ATP11C: variants seen among roughly 807,000 people sequenced by gnomAD.
The protein encoded by ATP11C is ATPase phospholipid transporting 11C (ATP11C blood group).
In ATP11C, 36 loss-of-function variants were observed where a neutral mutation model predicts 97.4. That is an observed-to-expected ratio of 0.37 (90% CI 0.28 to 0.49). ATP11C has a LOEUF of 0.49. ATP11C is among the 20% of genes least tolerant of loss of function. ATP11C has a pLI of 0.98. For missense variants in ATP11C, 730 were observed against 824.6 expected, an observed-to-expected ratio of 0.89 and a Z score of 1.40; for synonymous variants, 275 against 290.9, an observed-to-expected ratio of 0.95 and a Z score of 0.56.
At chrX:139,769,911 C>G (rs2082220894) in intron 19 of ATP11C, among the ~76,000 whole-genome samples, 1 of 111,895 alleles carries the variant, frequency 8.9e-6, no homozygotes, top group African/African-American at 3.3e-5. Flanking sequence ...ATAGACGAAG[C>G]TTTGAGTAGT....
At chrX:139,841,918 T>C (rs2083838348) in intron 1 of ATP11C, among the ~76,000 whole-genome samples, 1 of 112,631 alleles carries the variant, frequency 8.9e-6, no homozygotes, top group South Asian at 3.7e-4. Flanking sequence ...GCTATTTTCC[T>C]GGGACTAGGA....
chrX:139,733,727 C>T (rs1269328382), intron 28 of ATP11C, among the ~76,000 whole-genome samples: 1 of 111,670 alleles, frequency 9.0e-6, no homozygotes, highest in Non-Finnish European at 1.9e-5. Flanking sequence ...TCCCCACCCC[C>T]GTGTTTAATG....
intron 26 of ATP11C, among the ~76,000 whole-genome samples, chrX:139,741,882 T>C (rs2081563091): frequency 9.0e-6 from 1 of 111,594 alleles, no homozygotes; most frequent in African/African-American, 3.3e-5. Context: ...ATAGAGGAGA[T>C]GGTGTCTCAG....
intron 1 of ATP11C, among the ~76,000 whole-genome samples, chrX:139,897,923 C>T (rs757065168): frequency 9.5e-6 from 1 of 105,515 alleles, no homozygotes; most frequent in South Asian, 4.4e-4. Flanking sequence ...CAGAGCAAAA[C>T]CCTGTGTCAA....
Position 139,816,998 on chromosome X carries a change from T to C in ATP11C, c.238-55A>G, listed in dbSNP as rs933877080. The C allele has an allele frequency of 2.6e-5, 20 of 777,117 alleles. No individual in the cohort carries two copies. In the African/African-American group the frequency reaches 2.7e-4, roughly 11 times the overall value. The allele number at this position is 777,117 out of a possible 1,213,427, so 64.0% of individuals were successfully genotyped here. ...AATGAAAATTTGTCATTAACTCATA[T>C]GCAGCACTTACATGCTGCAAACATT... is the stretch of plus-strand genomic sequence containing the variant. On this transcript the variant is annotated intron_variant, in intron 3 of 29. Coordinates refer to ENST00000682941, the MANE Select transcript of ATP11C (RefSeq NM_001353812.2).
At chrX:139,890,263 G>A (rs1457468728) in intron 1 of ATP11C, among the ~76,000 whole-genome samples, 2 of 111,262 alleles carry the variant, frequency 1.8e-5, no homozygotes, top group Non-Finnish European at 3.8e-5. Context: ...TTGTGTGGTG[G>A]TTCACACCTG....
intron 1 of ATP11C, chrX:139,832,393 G>C: frequency 1.2e-6 from 1 of 859,248 alleles, no homozygotes; most frequent in South Asian, 4.1e-5. Flanking sequence ...TTCCTTAAGA[G>C]CTCAAAGCAG....
At position 139,932,373 on chromosome X, in the gene ATP11C, C is replaced by A; in HGVS notation, c.-331G>T. The A allele has an allele frequency of 9.1e-6, 1 of 109,704 alleles. No individual in the cohort carries two copies. The highest frequency in any genetic ancestry group is 1.9e-5 in the Non-Finnish European group (1 of 52,064). 9.0% of individuals were successfully genotyped at this position (109,704 alleles called of 1,213,427 possible). On this transcript the variant is annotated 5_prime_UTR_variant, in exon 1 of 30. Transcript: ENST00000682941. ...CCACTGAGAAGGCGAGCCCGCCGCG[C>A]GGGGGAAGGATGGCGGAGGAGCGCG...
At position 139,827,616 on chromosome X, in the gene ATP11C, T is replaced by C. The variant is rs573956823; in HGVS notation, c.28-793A>G. 7.2e-5 allele frequency among the ~76,000 whole-genome samples: 8 copies of C among 111,749 alleles called. No homozygotes were observed. The South Asian group carries it at 1.5e-3, about 21-fold the overall frequency. ...AATTTGGGACAGTCTCCTTGTATGG[T>C]ACTATATTACCATATCTGAGACTAC... On this transcript the variant is annotated intron_variant, in intron 1 of 29. Coordinates refer to ENST00000682941, the MANE Select transcript of ATP11C (RefSeq NM_001353812.2).
chrX:139,808,672 T>C (rs2083099581), intron 5 of ATP11C, among the ~76,000 whole-genome samples: 1 of 112,089 alleles, frequency 8.9e-6, no homozygotes, highest in Non-Finnish European at 1.9e-5. Context: ...CATAGGAACA[T>C]TCACTTCCAG....
chrX:139,838,507 T>G (rs1285498969), intron 1 of ATP11C, among the ~76,000 whole-genome samples: 2 of 111,916 alleles, frequency 1.8e-5, no homozygotes, highest in East Asian at 5.6e-4. Context: ...TCAGCTCCTA[T>G]GAGAAACAGT....
rs2082617237 is a variant in ATP11C at position 139,788,240 on chromosome X, T to C, written c.1472A>G (p.Tyr491Cys). 6.6e-6 allele frequency: 8 copies of C among 1,208,999 alleles called. No homozygotes were observed. The highest frequency in any genetic ancestry group is 5.3e-5 in the South Asian group (3 of 56,711). The change falls in exon 14 of 30, where the codon TAT becomes TGT. Residue 491 changes from tyrosine (Y) to cysteine (C), a missense_variant. By Grantham distance (194) the Tyr-to-Cys change is radical. Transcript: ENST00000682941. ...DGATESAELTYISSSPDEIAL... is the reference protein window; with the variant it reads ...DGATESAELTCISSSPDEIAL... The stretch of plus-strand genomic sequence containing the variant: ...TATTTCATCTGGTGAAGAGGAGATA[T>C]AGGTTAATTCAGCTGATTCTGTAGC...
At chrX:139,770,059 T>C (rs2082223772) in intron 19 of ATP11C, among the ~76,000 whole-genome samples, 1 of 112,386 alleles carries the variant, frequency 8.9e-6, no homozygotes. Flanking sequence ...TGATGTGTTC[T>C]CTTTCTTTGC....
At chrX:139,863,343 G>A (rs2084232564) in intron 1 of ATP11C, among the ~76,000 whole-genome samples, 1 of 111,221 alleles carries the variant, frequency 9.0e-6, no homozygotes, top group Admixed American at 9.5e-5. Flanking sequence ...GACCAGCCTG[G>A]CCAACATGGC....
chrX:139,849,003 C>T (rs1292138092), intron 1 of ATP11C, among the ~76,000 whole-genome samples: 1 of 111,987 alleles, frequency 8.9e-6, no homozygotes, highest in Non-Finnish European at 1.9e-5. Flanking sequence ...TGACTCTCCA[C>T]TTACCCTAAA....
chrX:139,865,793 A>G (rs965656132), intron 1 of ATP11C, among the ~76,000 whole-genome samples: 1 of 111,288 alleles, frequency 9.0e-6, no homozygotes, highest in Non-Finnish European at 1.9e-5. Context: ...AAATAAGACA[A>G]AAACAATAGT....
intron 1 of ATP11C, among the ~76,000 whole-genome samples, chrX:139,853,999 A>C (rs1476408790): frequency 8.9e-6 from 1 of 111,809 alleles, no homozygotes; most frequent in Non-Finnish European, 1.9e-5. Flanking sequence ...TTACCACACA[A>C]AGGTCTGACC....
upstream of ATP11C, among the ~76,000 whole-genome samples, chrX:139,936,531 G>C (rs1380046072): frequency 9.0e-6 from 1 of 111,671 alleles, no homozygotes; most frequent in Admixed American, 9.6e-5. Flanking sequence ...AAGCCCCACA[G>C]GTAGGAATTC....
chrX:139,826,871 C>T, intron 1 of ATP11C, 48 bp from the exon 2 acceptor site: 2 of 1,156,533 alleles, frequency 1.7e-6, no homozygotes, highest in Non-Finnish European at 2.3e-6. Context: ...CACATTTGTC[C>T]ACACTTCTAC....
Sources: gnomAD v4.1 joint callset for allele counts (sites outside exome capture counted in the v4.1 genomes callset) on GRCh38, gnomAD v4.1.1 for gene constraint, MANE v1.5 for transcripts, NCBI Gene and HGNC (gene_info 2026-07-23, HGNC 2026-07-21) for gene names.